Variants in SPARCL1 observed in about 807,000 individuals in gnomAD.
SPARCL1 encodes the protein SPARC-like protein 1.
Under a neutral mutation model 67.1 loss-of-function variants are expected in SPARCL1, and 52 were observed. That is an observed-to-expected ratio of 0.78 (90% CI 0.62 to 0.98). The LOEUF (loss-of-function observed/expected upper bound fraction) is 0.98, where lower values mean the gene tolerates loss of function less well. Ranked by LOEUF, SPARCL1 falls within the 50% of genes least tolerant of loss-of-function variation. SPARCL1 has a pLI of 0.00. For missense variants in SPARCL1, 717 were observed against 782.4 expected (o/e 0.92, Z 1.00); for synonymous variants, 226 against 267.8 (o/e 0.84, Z 1.52).
rs773274428 is a variant in SPARCL1 at position 87,490,263 on chromosome 4, A to G, written c.1531+10T>C. The G allele has an allele frequency of 6.2e-7, 1 of 1,604,786 alleles. No homozygotes were observed. The highest frequency in any genetic ancestry group is 1.1e-5 in the South Asian group (1 of 89,310). On this transcript the variant is annotated intron_variant, in intron 7 of 10. Coordinates refer to ENST00000282470, the MANE Select transcript of SPARCL1 (RefSeq NM_004684.6). ...AGAGATGATGGTTGACAGGAGGGAC[A>G]TAATCTTACATTTGCAGGCTCCAAA...
At position 87,499,511 on chromosome 4, in the gene SPARCL1, G is replaced by A. The variant is rs1724759084; in HGVS notation, c.54+10C>T. 1 of 1,601,600 alleles carries A rather than the reference G, an allele frequency of 6.2e-7. No homozygotes were observed. On this transcript the variant is annotated intron_variant, in intron 2 of 10. Coordinates refer to ENST00000282470, the MANE Select transcript of SPARCL1 (RefSeq NM_004684.6). ...GAAAGAGATGTAATAACAGAAGAAA[G>A]GAAATTTACCGGGATTGCAGCTGCA...
chr4:87,495,936 A>G (rs1490076269), intron 2 of SPARCL1, among the ~76,000 whole-genome samples: 1 of 152,178 alleles, frequency 6.6e-6, no homozygotes, highest in Non-Finnish European at 1.5e-5. Context: ...CATCTCAAAA[A>G]CAAAAAAAAT....
Position 87,529,091 on chromosome 4 carries a change from T to G in SPARCL1, c.-58A>C, listed in dbSNP as rs894550894. Reference sequence around the variant, plus strand: ...CAGAGCCACTGCAGAAAAATTGAAGTTGAATCCCCTCTGCACACAGACAGG... The same window carrying G: ...CAGAGCCACTGCAGAAAAATTGAAGGTGAATCCCCTCTGCACACAGACAGG... On this transcript the variant is annotated 5_prime_UTR_variant, in exon 1 of 11. Coordinates refer to ENST00000282470, the MANE Select transcript of SPARCL1 (RefSeq NM_004684.6). 9 of 152,158 alleles carry G rather than the reference T, an allele frequency of 5.9e-5. No homozygotes were observed. Among genetic ancestry groups the G allele is most frequent in the Non-Finnish European group, 1.2e-4 (8 of 68,028 alleles). The allele number at this position is 152,158 out of a possible 1,614,324, so 9.4% of individuals were successfully genotyped here.
At position 87,473,431 on chromosome 4, in the gene SPARCL1, A is replaced by G. The variant is rs1233478640; in HGVS notation, c.*344T>C. The G allele has an allele frequency of 1.1e-5, 2 of 175,952 alleles. No individual in the cohort carries two copies. The highest frequency in any genetic ancestry group is 2.4e-5 in the Non-Finnish European group (2 of 84,260). The allele number at this position is 175,952 out of a possible 1,614,324, so 10.9% of individuals were successfully genotyped here. ...AGCATTCCATTTTCTTGAAGTGCAC[A>G]TGATATTATGAACAATACAAATGCA... On this transcript the variant is annotated 3_prime_UTR_variant, in exon 11 of 11. Coordinates refer to ENST00000282470, the MANE Select transcript of SPARCL1 (RefSeq NM_004684.6).
chr4:87,502,795 A>T (rs974545622), intron 1 of SPARCL1, among the ~76,000 whole-genome samples: 1 of 152,316 alleles, frequency 6.6e-6, no homozygotes, highest in East Asian at 1.9e-4. Context: ...TTAGAACTTT[A>T]TGGACAGGGC....
chr4:87,506,061 C>T (rs1438902791), intron 1 of SPARCL1, among the ~76,000 whole-genome samples: 1 of 152,044 alleles, frequency 6.6e-6, no homozygotes, highest in African/African-American at 2.4e-5. Flanking sequence ...ATGTCAGTAG[C>T]GAGCCCCCAT....
In SPARCL1 at chr4:87,473,672, C is replaced by T; in HGVS notation, c.*103G>A. 1.3e-6 allele frequency: 1 copy of T among 797,138 alleles called. No individual in the cohort carries two copies. Among genetic ancestry groups the T allele is most frequent in the Non-Finnish European group, 2.0e-6 (1 of 495,434 alleles). 49.4% of individuals were successfully genotyped at this position (797,138 alleles called of 1,614,324 possible). A position where few individuals can be genotyped will look rare whatever the true frequency, so the allele number is the denominator to read the frequency against. ...CTCATTGTCTTGTCATACATGCTAA[C>T]ATTTTGCTAAATATAAATCTACAAG... On this transcript the variant is annotated 3_prime_UTR_variant, in exon 11 of 11. Coordinates refer to ENST00000282470, the MANE Select transcript of SPARCL1 (RefSeq NM_004684.6).
At chr4:87,506,670 C>T (rs185960161) in intron 1 of SPARCL1, among the ~76,000 whole-genome samples, 27 of 152,250 alleles carry the variant, frequency 1.8e-4, no homozygotes, top group East Asian at 3.9e-4. Flanking sequence ...CAGACTTGAA[C>T]GGGAACTATA....
intron 8 of SPARCL1, 65 bp from the exon 9 acceptor site, chr4:87,480,585 A>G: frequency 1.8e-6 from 1 of 551,952 alleles, no homozygotes; most frequent in Non-Finnish European, 2.2e-6. Flanking sequence ...GTCACTTGCT[A>G]TAAACTTTAC....
rs1195940922 is a variant in SPARCL1 at position 87,527,430 on chromosome 4, G to C, written c.-12+1615C>G. On this transcript the variant is annotated intron_variant, in intron 1 of 10. Coordinates refer to ENST00000282470, the MANE Select transcript of SPARCL1 (RefSeq NM_004684.6). ...CTCGGTAGAAAAATGTTCCCAACCA[G>C]TTCTGGATATGGTGCTAAACTTAAG... 2.0e-5 allele frequency among the ~76,000 whole-genome samples: 3 copies of C among 152,164 alleles called. No homozygotes were observed. In the South Asian group the frequency reaches 6.2e-4, roughly 32 times the overall value.
intron 1 of SPARCL1, among the ~76,000 whole-genome samples, chr4:87,508,214 C>CT (rs1280833217): frequency 7.4e-6 from 1 of 135,718 alleles, no homozygotes; most frequent in African/African-American, 2.8e-5. Context: ...TCTTTTTGGC[C>CT]TCTTTTTTTT....
chr4:87,493,521 T>A, intron 4 of SPARCL1, 61 bp downstream of exon 4: 1 of 1,462,376 alleles, frequency 6.8e-7, no homozygotes, highest in Non-Finnish European at 9.3e-7. Flanking sequence ...CAGAGAAAGG[T>A]CATGACTGTT....
Position 87,499,530 on chromosome 4 carries a change from A to G in SPARCL1, c.45T>C (p.Ala15=), listed in dbSNP as rs1319337978. ...LFFLCLLGTA[A]AIPTNARLLS... ...AAGAAAGGAAATTTACCGGGATTGC[A>G]GCTGCAGTTCCCAAGAGACATAGGA... Residue 15 remains alanine (A), a synonymous_variant, in exon 2 of 11, where the codon GCT becomes GCC. Transcript: ENST00000282470. 19 of 1,603,710 alleles carry G rather than the reference A, an allele frequency of 1.2e-5. No individual in the cohort carries two copies. The highest frequency in any genetic ancestry group is 1.5e-5 in the Non-Finnish European group (18 of 1,177,116).
intron 9 of SPARCL1, 113 bp downstream of exon 9, chr4:87,480,259 C>T: frequency 1.1e-6 from 1 of 927,416 alleles, no homozygotes; most frequent in Non-Finnish European, 1.5e-6. Flanking sequence ...TTTCAGTATT[C>T]TAAAATGGAA....
Position 87,479,542 on chromosome 4 carries a change from T to C in SPARCL1, c.1854A>G (p.Ala618=), listed in dbSNP as rs765760109. ...TGCAGTGTTCCATGGGCACCAGAGATGCTCGCAGAGGAGCAAGTTCAGAAT... is the reference window on the plus strand; with the variant it reads ...TGCAGTGTTCCATGGGCACCAGAGACGCTCGCAGAGGAGCAAGTTCAGAAT... The part of the protein sequence containing the change: ...LTHSELAPLR[A]SLVPMEHCIT... Residue 618 remains alanine, a synonymous_variant, in exon 10 of 11, where the codon GCA becomes GCG. Coordinates refer to ENST00000282470, the MANE Select transcript of SPARCL1 (RefSeq NM_004684.6). 4 of 1,614,162 alleles carry C rather than the reference T, an allele frequency of 2.5e-6. No individual in the cohort carries two copies. The highest frequency in any genetic ancestry group is 3.3e-5 in the Admixed American group (2 of 60,026).
In SPARCL1 at chr4:87,482,476, T is replaced by A. The variant is rs1723864383; in HGVS notation, c.1616A>T (p.Tyr539Phe). Residue 539 changes from tyrosine (Y) to phenylalanine (F), a missense_variant, in exon 8 of 11, where the codon TAT becomes TTT. By Grantham distance (22) the Tyr-to-Phe change is conservative. Coordinates refer to ENST00000282470, the MANE Select transcript of SPARCL1 (RefSeq NM_004684.6). ...DWLKNILMQL[Y>F]EANSEHAGYL... is the part of the protein sequence containing the mutation. ...ACCAGCGTGTTCAGAGTTGGCTTCATAAAGCTGCATGAGGATATTCTTGAG... is the reference window on the plus strand; with the variant it reads ...ACCAGCGTGTTCAGAGTTGGCTTCAAAAAGCTGCATGAGGATATTCTTGAG... 1 of 1,613,906 alleles carries A rather than the reference T, an allele frequency of 6.2e-7. No individual in the cohort carries two copies.
intron 10 of SPARCL1, 65 bp downstream of exon 10, chr4:87,479,365 A>G: frequency 6.5e-7 from 1 of 1,537,240 alleles, no homozygotes. Flanking sequence ...TCTATGAAGC[A>G]TGCAGGGCTT....
At chr4:87,496,500 T>C (rs1401504084) in intron 2 of SPARCL1, among the ~76,000 whole-genome samples, 1 of 152,178 alleles carries the variant, frequency 6.6e-6, no homozygotes, top group African/African-American at 2.4e-5. Context: ...ATTACAGGTG[T>C]GAGCCACCAT....
chr4:87,484,096 A>G (rs1723951188), intron 7 of SPARCL1, among the ~76,000 whole-genome samples: 1 of 152,166 alleles, frequency 6.6e-6, no homozygotes, highest in Non-Finnish European at 1.5e-5. Context: ...ATTAGATCCC[A>G]TTAATCAATT....
Sources: gnomAD v4.1 joint callset for allele counts (sites outside exome capture counted in the v4.1 genomes callset) on GRCh38, gnomAD v4.1.1 for gene constraint, MANE v1.5 for transcripts, NCBI Gene and HGNC (gene_info 2026-07-23, HGNC 2026-07-21) for gene names.